The following RIMS1 variants were observed in gnomAD, a reference collection of about 807,000 sequenced individuals.
The protein encoded by RIMS1 is regulating synaptic membrane exocytosis 1.
RIMS1 carries 83 observed loss-of-function variants against 214.1 expected under a neutral mutation model. That is an observed-to-expected ratio of 0.39 (90% CI 0.32 to 0.47). RIMS1 has a LOEUF of 0.47. Among genes scored for constraint, RIMS1 ranks in the 20% least tolerant of loss-of-function variants. The probability of loss-of-function intolerance (pLI) is 0.99; values close to 1 mark genes in which losing one functional copy is unlikely to be tolerated. For synonymous variants in RIMS1, 793 were observed against 786.8 expected (o/e 1.01, Z -0.13); for missense variants, 2,050 against 2,161.8 (o/e 0.95, Z 1.03).
chr6:72,258,081 TAGA>T, intron 16 of RIMS1, 41 bp from the exon 17 acceptor site: 1 of 1,556,526 alleles, frequency 6.4e-7, no homozygotes, highest in Non-Finnish European at 8.8e-7. Flanking sequence ...GTTTGCATTA[TAGA>T]AGAATACTGA....
chr6:72,279,241 G>A (rs963306836), intron 23 of RIMS1, among the ~76,000 whole-genome samples: 7 of 151,898 alleles, frequency 4.6e-5, no homozygotes, highest in Admixed American at 1.3e-4. Context: ...TTTTTCATCA[G>A]TTCATTTTAT....
intron 1 of RIMS1, 119 bp downstream of exon 1, chr6:71,887,306 G>A: frequency 7.4e-7 from 1 of 1,343,940 alleles, no homozygotes; most frequent in Non-Finnish European, 1.0e-6. Context: ...GCTGGGTGCG[G>A]ACGGAGGCGC....
At chr6:72,188,982 A>G (rs1337346648) in intron 6 of RIMS1, among the ~76,000 whole-genome samples, 1 of 152,206 alleles carries the variant, frequency 6.6e-6, no homozygotes, top group Non-Finnish European at 1.5e-5. Context: ...GTTTAATGGA[A>G]TCATTGTGTC....
chr6:72,213,830 G>T (rs1295837487), intron 6 of RIMS1, among the ~76,000 whole-genome samples: 1 of 152,120 alleles, frequency 6.6e-6, no homozygotes, highest in Non-Finnish European at 1.5e-5. Flanking sequence ...TTTGATGTTA[G>T]GTTTTATGTA....
intron 31 of RIMS1, among the ~76,000 whole-genome samples, chr6:72,397,113 A>G (rs971797074): frequency 5.3e-5 from 8 of 152,338 alleles, no homozygotes; most frequent in Non-Finnish European, 8.8e-5. Context: ...AAGAGTAAAT[A>G]GAAAGCTGAA....
chr6:71,981,331 A>G (rs1002764634), intron 2 of RIMS1, among the ~76,000 whole-genome samples: 3 of 152,142 alleles, frequency 2.0e-5, no homozygotes, highest in Admixed American at 2.0e-4. Flanking sequence ...TCATTTACCC[A>G]CTAATAATCA....
chr6:72,126,007 C>G (rs145813875), intron 4 of RIMS1, among the ~76,000 whole-genome samples: 8,206 of 152,276 alleles, frequency 0.054, 295 homozygotes, highest in Middle Eastern at 0.095. Flanking sequence ...ACTGTCCAAC[C>G]ATTCCCAGTG....
chr6:72,160,998 G>T lies in RIMS1; in HGVS notation c.472-18577G>T, dbSNP rs1380586476. Among the ~76,000 whole-genome samples, 20 of 139,106 alleles carry T rather than the reference G, an allele frequency of 1.4e-4. 4 individuals are homozygous for T. Among genetic ancestry groups the T allele is most frequent in the Non-Finnish European group, 3.1e-4 (19 of 61,484 alleles). 91.3% of individuals were successfully genotyped at this position (139,106 alleles called of 152,430 possible). A position where few individuals can be genotyped will look rare whatever the true frequency, so the allele number is the denominator to read the frequency against. Reference sequence around the variant, plus strand: ...TGTATCTTTGGTAGAATTTGGCTGTGAATCCATCTGGTTCTGGACTTTTTT... The same window carrying T: ...TGTATCTTTGGTAGAATTTGGCTGTTAATCCATCTGGTTCTGGACTTTTTT... On this transcript the variant is annotated intron_variant, in intron 4 of 33. Transcript: ENST00000521978.
rs117678385 is a variant in RIMS1, at chr6:72,372,247, A to G, written c.4367-18351A>G. On this transcript the variant is annotated intron_variant, in intron 29 of 33. Coordinates refer to ENST00000521978, the MANE Select transcript of RIMS1 (RefSeq NM_014989.7). ...TGTGTGGTTTCTTGAAAGGAAAATA[A>G]AAGGTAAAAGTATCTCATTCAACAA... Among the ~76,000 whole-genome samples the G allele has an allele frequency of 4.4e-3, 674 of 152,318 alleles. 2 individuals are homozygous for G. The highest frequency in any genetic ancestry group is 7.3e-3 in the South Asian group (35 of 4,826).
At chr6:72,121,726 GT>G (rs1366249703) in intron 4 of RIMS1, among the ~76,000 whole-genome samples, 2 of 151,884 alleles carry the variant, frequency 1.3e-5, no homozygotes, top group Non-Finnish European at 2.9e-5. Flanking sequence ...TCCCTGTCTT[GT>G]GCTAGTTTTC....
At chr6:72,029,835 G>A (rs1817580395) in intron 2 of RIMS1, among the ~76,000 whole-genome samples, 1 of 152,122 alleles carries the variant, frequency 6.6e-6, no homozygotes, top group Non-Finnish European at 1.5e-5. Flanking sequence ...AGTTACTGCT[G>A]TTATATTTGT....
At chr6:72,123,137 C>T (rs1487700104) in intron 4 of RIMS1, among the ~76,000 whole-genome samples, 1 of 151,766 alleles carries the variant, frequency 6.6e-6, no homozygotes. Flanking sequence ...CTACACACTG[C>T]TTTAAATGTA....
intron 25 of RIMS1, 64 bp from the exon 26 acceptor site, chr6:72,291,870 A>T: frequency 8.3e-7 from 1 of 1,207,274 alleles, no homozygotes; most frequent in Non-Finnish European, 1.2e-6. Flanking sequence ...GAAAGGAGGA[A>T]AGATTTTTGT....
chr6:72,231,463 G>T (rs528178927), intron 6 of RIMS1, among the ~76,000 whole-genome samples: 40 of 151,536 alleles, frequency 2.6e-4, no homozygotes, highest in Non-Finnish European at 4.6e-4. Context: ...ACATTTGTTA[G>T]CAATATTTAG....
At chr6:72,186,657 C>A (rs2049138630) in intron 6 of RIMS1, among the ~76,000 whole-genome samples, 1 of 151,896 alleles carries the variant, frequency 6.6e-6, no homozygotes, top group African/African-American at 2.4e-5. Flanking sequence ...TTTAGGGGGA[C>A]TGTTTGCAGT....
At chr6:72,393,430 A>G (rs1457661539) in intron 31 of RIMS1, among the ~76,000 whole-genome samples, 3 of 152,194 alleles carry the variant, frequency 2.0e-5, no homozygotes, top group Non-Finnish European at 4.4e-5. Flanking sequence ...AAAACTATCA[A>G]AAATCAGATT....
intron 2 of RIMS1, among the ~76,000 whole-genome samples, chr6:72,021,743 C>T (rs1236310563): frequency 6.6e-6 from 1 of 152,134 alleles, no homozygotes; most frequent in Non-Finnish European, 1.5e-5. Context: ...TCTCTCCTGT[C>T]CTGTTACTCT....
chr6:72,307,552 A>C (rs1000392854), intron 27 of RIMS1, among the ~76,000 whole-genome samples, 182 bp downstream of exon 27: 5 of 152,104 alleles, frequency 3.3e-5, no homozygotes, highest in African/African-American at 1.2e-4. Flanking sequence ...TAAGGTCAGA[A>C]GTTCAAGACC....
At chr6:72,136,152 A>G (rs1193375098) in intron 4 of RIMS1, among the ~76,000 whole-genome samples, 1 of 152,202 alleles carries the variant, frequency 6.6e-6, no homozygotes, top group African/African-American at 2.4e-5. Context: ...AGATAAATAT[A>G]TGATATTTTC....
Sources: gnomAD v4.1 joint callset for allele counts (sites outside exome capture counted in the v4.1 genomes callset) on GRCh38, gnomAD v4.1.1 for gene constraint, MANE v1.5 for transcripts, NCBI Gene and HGNC (gene_info 2026-07-23, HGNC 2026-07-21) for gene names.